ISX: variants seen among roughly 807,000 people sequenced by gnomAD.
The protein encoded by ISX is intestine-specific homeobox.
Under a neutral mutation model 16.9 loss-of-function variants are expected in ISX, and 15 were observed. That is an observed-to-expected ratio of 0.89 (90% CI 0.59 to 1.36). ISX has a LOEUF of 1.36. Ranked by LOEUF, ISX falls within the 40% of genes most tolerant of loss-of-function variation. The probability of loss-of-function intolerance (pLI) is 0.00; values close to 1 mark genes in which losing one functional copy is unlikely to be tolerated. For synonymous variants in ISX, 125 were observed against 119.7 expected (o/e 1.04, Z -0.29); for missense variants, 316 against 306.1 (o/e 1.03, Z -0.24).
chr22:35,085,702 C>T lies in ISX; in HGVS notation c.*9C>T. On this transcript the variant is annotated 3_prime_UTR_variant, in exon 5 of 5. Transcript: ENST00000404699. Reference sequence around the variant, plus strand: ...GTGCTACTTCAACATAGAGATTGGACATGCTCTCCCCAAATGAGCCACTTT... The same window carrying T: ...GTGCTACTTCAACATAGAGATTGGATATGCTCTCCCCAAATGAGCCACTTT... 2 of 1,614,136 alleles carry T rather than the reference C, an allele frequency of 1.2e-6. No homozygotes were observed. The highest frequency in any genetic ancestry group is 1.7e-6 in the Non-Finnish European group (2 of 1,179,976).
chr22:35,081,602 A>G lies in ISX; in HGVS notation c.230-916A>G, dbSNP rs577732912. Among the ~76,000 whole-genome samples the G allele has an allele frequency of 1.1e-4, 17 of 151,786 alleles. No homozygotes were observed. The South Asian group carries it at 2.7e-3, about 24-fold the overall frequency. On this transcript the variant is annotated intron_variant, in intron 2 of 4. Coordinates refer to ENST00000404699, the MANE Select transcript of ISX (RefSeq NM_001303508.2). The stretch of plus-strand genomic sequence containing the variant: ...CTACCCAGCAACTACTGCTCCCTCC[A>G]TCTTGGTGGGGAAGGGAACTGGGCA...
In ISX at chr22:35,066,940, A is replaced by G; in HGVS notation, c.-148A>G. On this transcript the variant is annotated 5_prime_UTR_variant, in exon 2 of 5. Coordinates refer to ENST00000404699, the MANE Select transcript of ISX (RefSeq NM_001303508.2). Reference sequence around the variant, plus strand: ...CCTGCCCATGGAAGTCCCTGTGGACACGAAATCCTGTTTGGATCATCTAAC... The same window carrying G: ...CCTGCCCATGGAAGTCCCTGTGGACGCGAAATCCTGTTTGGATCATCTAAC... 3 of 617,362 alleles carry G rather than the reference A, an allele frequency of 4.9e-6. No homozygotes were observed. The highest frequency in any genetic ancestry group is 8.6e-6 in the Non-Finnish European group (3 of 350,684). 38.2% of individuals were successfully genotyped at this position (617,362 alleles called of 1,614,324 possible).
Position 35,082,673 on chromosome 22 carries a change from C to T in ISX, c.381+4C>T, listed in dbSNP as rs746399878. The T allele has an allele frequency of 1.2e-6, 2 of 1,613,842 alleles. No homozygotes were observed. The highest frequency in any genetic ancestry group is 1.1e-5 in the South Asian group (1 of 91,080). ...CCTCCCAGAAGCTCGGGTGCAGGTACAGCCATCCCTACCTCAGCCCCCAGC... is the reference window on the plus strand; with the variant it reads ...CCTCCCAGAAGCTCGGGTGCAGGTATAGCCATCCCTACCTCAGCCCCCAGC... On this transcript the variant is annotated splice_donor_region_variant and intron_variant, in intron 3 of 4. Coordinates refer to ENST00000404699, the MANE Select transcript of ISX (RefSeq NM_001303508.2).
At chr22:35,067,692 AGAG>A (rs1928738898) in intron 2 of ISX, among the ~76,000 whole-genome samples, 1 of 152,254 alleles carries the variant, frequency 6.6e-6, no homozygotes, top group Non-Finnish European at 1.5e-5. Flanking sequence ...GTGAAAGAGA[AGAG>A]GAGGATAATG....
chr22:35,078,152 A>C (rs1210190801), intron 2 of ISX, among the ~76,000 whole-genome samples: 1 of 144,014 alleles, frequency 6.9e-6, no homozygotes, highest in African/African-American at 2.6e-5. Context: ...GTCAACCTGG[A>C]ATCTTCCCTT....
intron 2 of ISX, among the ~76,000 whole-genome samples, chr22:35,069,033 C>A (rs1405690310): frequency 6.6e-6 from 1 of 152,160 alleles, no homozygotes; most frequent in Non-Finnish European, 1.5e-5. Context: ...TTTCTGAAAG[C>A]TTGGAGAGGG....
rs1419796388 is a variant in ISX, at chr22:35,085,812, G to A, written c.*119G>A. ...CAATCCAAAAATGGCCCACAGCCCA[G>A]GAAGCTACCCTGAACATGCCAGTTG... On this transcript the variant is annotated 3_prime_UTR_variant, in exon 5 of 5. Transcript: ENST00000404699. The A allele has an allele frequency of 7.6e-7, 1 of 1,323,092 alleles. No homozygotes were observed. Among genetic ancestry groups the A allele is most frequent in the East Asian group, 2.3e-5 (1 of 42,806 alleles). 82.0% of individuals were successfully genotyped at this position (1,323,092 alleles called of 1,614,324 possible). A position where few individuals can be genotyped will look rare whatever the true frequency, so the allele number is the denominator to read the frequency against.
rs374101977 is a variant in ISX, at chr22:35,082,540, G to T, written c.252G>T (p.Arg84Ser). 6.2e-7 allele frequency: 1 copy of T among 1,614,092 alleles called. No individual in the cohort carries two copies. The highest frequency in any genetic ancestry group is 1.3e-5 in the African/African-American group (1 of 75,046). The change falls in exon 3 of 5, where the codon AGG becomes AGT. Residue 84 changes from arginine (R) to serine (S), a missense_variant. Transcript: ENST00000404699. ...QPQEGRKSKRRVRTTFTTEQL... is the reference protein window; with the variant it reads ...QPQEGRKSKRSVRTTFTTEQL... ...CAGAAGGAAGGAAGAGCAAGCGGAGGGTTCGTACCACCTTCACCACTGAGC... is the reference window on the plus strand; with the variant it reads ...CAGAAGGAAGGAAGAGCAAGCGGAGTGTTCGTACCACCTTCACCACTGAGC...
At chr22:35,080,132 C>T (rs892412761) in intron 2 of ISX, among the ~76,000 whole-genome samples, 4 of 152,164 alleles carry the variant, frequency 2.6e-5, no homozygotes, top group Admixed American at 6.5e-5. Context: ...CTCCCCTTCT[C>T]GGTCTCTTTG....
intron 2 of ISX, among the ~76,000 whole-genome samples, chr22:35,080,439 C>G (rs1483498334): frequency 6.6e-6 from 1 of 150,926 alleles, no homozygotes; most frequent in Non-Finnish European, 1.5e-5. Context: ...AACACATGAA[C>G]ACACACACAC....
At chr22:35,083,027 C>A (rs1475363865) in intron 3 of ISX, among the ~76,000 whole-genome samples, 3 of 152,124 alleles carry the variant, frequency 2.0e-5, no homozygotes, top group Non-Finnish European at 4.4e-5. Context: ...CTGCAAAGAG[C>A]CAGATGGTAA....
chr22:35,081,963 C>T (rs1394966043), intron 2 of ISX, among the ~76,000 whole-genome samples: 1 of 152,246 alleles, frequency 6.6e-6, no homozygotes, highest in Non-Finnish European at 1.5e-5. Flanking sequence ...TGGAGACAGG[C>T]TGTCAACAGC....
chr22:35,071,613 T>A (rs1430276160), intron 2 of ISX, among the ~76,000 whole-genome samples: 2 of 152,208 alleles, frequency 1.3e-5, no homozygotes, highest in Non-Finnish European at 2.9e-5. Flanking sequence ...AGCAATGATC[T>A]TATGCCCAGA....
At chr22:35,073,026 C>T (rs1165204500) in intron 2 of ISX, among the ~76,000 whole-genome samples, 1 of 152,152 alleles carries the variant, frequency 6.6e-6, no homozygotes, top group Non-Finnish European at 1.5e-5. Flanking sequence ...CTATATAGGG[C>T]CCTCCACATG....
At position 35,084,444 on chromosome 22, in the gene ISX, C is replaced by T. The variant is rs748195184; in HGVS notation, c.443C>T (p.Ala148Val). Reference protein sequence around the residue: ...RKQEKIGNLGAPQQLSEASVA... With the variant: ...RKQEKIGNLGVPQQLSEASVA... The stretch of plus-strand genomic sequence containing the variant: ...CAGGAGAAGATTGGCAACCTGGGGG[C>T]TCCACAGCAGCTGAGTGAAGCCAGT... Residue 148 changes from alanine to valine, a missense_variant, in exon 4 of 5, where the codon GCT becomes GTT. Physicochemically the swap from Ala to Val is moderately conservative, Grantham distance 64. Transcript: ENST00000404699. 10 of 1,613,686 alleles carry T rather than the reference C, an allele frequency of 6.2e-6. No homozygotes were observed. The East Asian group carries it at 2.0e-4, about 32-fold the overall frequency.
chr22:35,067,941 G>A (rs1024504990), intron 2 of ISX, among the ~76,000 whole-genome samples: 18 of 152,354 alleles, frequency 1.2e-4, no homozygotes, highest in African/African-American at 3.4e-4. Flanking sequence ...CCAGATAACA[G>A]TGACCAGGTA....
chr22:35,081,814 T>C (rs1207841322), intron 2 of ISX, among the ~76,000 whole-genome samples: 1 of 152,198 alleles, frequency 6.6e-6, no homozygotes, highest in Non-Finnish European at 1.5e-5. Context: ...AAACCCACTA[T>C]GACAATTTAA....
intron 2 of ISX, among the ~76,000 whole-genome samples, chr22:35,078,579 C>A (rs141249789): frequency 1.1e-3 from 175 of 152,266 alleles, no homozygotes; most frequent in African/African-American, 4.0e-3. Context: ...CAATAACTCA[C>A]TCTAGTGGGG....
intron 2 of ISX, among the ~76,000 whole-genome samples, chr22:35,079,288 C>G (rs1341831270): frequency 6.6e-6 from 1 of 152,176 alleles, no homozygotes; most frequent in Admixed American, 6.5e-5. Context: ...TCCCACCCCT[C>G]CTTTGTAGCA....
Sources: allele counts gnomAD v4.1 joint callset (sites outside exome capture counted in the v4.1 genomes callset), GRCh38; gene constraint gnomAD v4.1.1; transcripts MANE v1.5; gene names NCBI Gene and HGNC (gene_info 2026-07-23, HGNC 2026-07-21).